The following OR9I1 variants were observed in gnomAD, a reference collection of about 807,000 sequenced individuals.
OR9I1 encodes olfactory receptor 9I1.
OR9I1 carries 7 observed loss-of-function variants against 11.2 expected under a neutral mutation model. That is an observed-to-expected ratio of 0.62 (90% CI 0.36 to 1.17). The LOEUF (loss-of-function observed/expected upper bound fraction) is 1.17. OR9I1 is among the 50% of genes most tolerant of loss of function. OR9I1 has a pLI of 0.02. For missense variants in OR9I1, 428 were observed against 377.2 expected, an observed-to-expected ratio of 1.13 and a Z score of -1.12; for synonymous variants, 165 against 153.4, an observed-to-expected ratio of 1.08 and a Z score of -0.56.
rs1332821061 is a variant in OR9I1 at position 58,116,785 on chromosome 11, GT to G, written c.*1714del. The G allele has an allele frequency of 6.6e-6, 1 of 152,134 alleles. No individual in the cohort carries two copies. The highest frequency in any genetic ancestry group is 1.5e-5 in the Non-Finnish European group (1 of 68,030). 9.4% of individuals were successfully genotyped at this position (152,134 alleles called of 1,614,324 possible). On this transcript the variant is annotated 3_prime_UTR_variant, in exon 3 of 3. Coordinates refer to ENST00000641439, the MANE Select transcript of OR9I1 (RefSeq NM_001005211.2). ...GAATCAGTCAACTACAAGATATTTG[GT>G]GAATTATTTTAATAAAATTGTTGTT...
rs140492317 is a variant in OR9I1 at position 58,118,489 on chromosome 11, C to A, written c.*11G>T. ...AAAGTGGACTAAAACAAGAATTCCT[C>A]TTACTTAGATCTACATGCTCAGGGA... On this transcript the variant is annotated 3_prime_UTR_variant, in exon 3 of 3. Transcript: ENST00000641439. 8,865 of 1,546,170 alleles carry A rather than the reference C, an allele frequency of 5.7e-3. 35 individuals carry two copies. Among genetic ancestry groups the A allele is most frequent in the Non-Finnish European group, 6.8e-3 (7,712 of 1,141,302 alleles).
chr11:58,119,147 G>A lies in OR9I1; in HGVS notation c.298C>T (p.Gln100Ter). Residue 100 changes from glutamine to a stop codon, truncating the protein, a stop_gained, in exon 3 of 3, where the codon CAG (glutamine) becomes TAG (stop). Transcript: ENST00000641439. LOFTEE classifies it high-confidence loss of function. ...TVISYGHCAA[Q>*]FFLFTICAGT... Reference sequence around the variant, plus strand: ...GCACAGATGGTGAATAAAAAGAACTGGGCAGCACAGTGGCCGTAGGAGATG... The same window carrying A: ...GCACAGATGGTGAATAAAAAGAACTAGGCAGCACAGTGGCCGTAGGAGATG... 6.2e-7 allele frequency: 1 copy of A among 1,614,006 alleles called. No individual in the cohort carries two copies. Among genetic ancestry groups the A allele is most frequent in the Non-Finnish European group, 8.5e-7 (1 of 1,179,994 alleles).
intron 2 of OR9I1, among the ~76,000 whole-genome samples, chr11:58,120,373 A>G (rs1240345231): frequency 3.3e-5 from 5 of 152,212 alleles, no homozygotes; most frequent in Non-Finnish European, 5.9e-5. Flanking sequence ...TGTAACATAG[A>G]AAAATATGCT....
rs139300657 is a variant in OR9I1 at position 58,118,969 on chromosome 11, C to T, written c.476G>A (p.Arg159His). 531 of 1,613,822 alleles carry T rather than the reference C, an allele frequency of 3.3e-4. No homozygotes were observed. Among genetic ancestry groups the T allele is most frequent in the Middle Eastern group, 1.7e-3 (10 of 6,060 alleles). Residue 159 changes from arginine (R) to histidine (H), a missense_variant, in exon 3 of 3, where the codon CGT becomes CAT. Physicochemically the swap from Arg to His is conservative, Grantham distance 29. Coordinates refer to ENST00000641439, the MANE Select transcript of OR9I1 (RefSeq NM_001005211.2). Reference sequence around the variant, plus strand: ...GGAGAGGGTGAAGGTGCAAGTGGTACGCAGGATGGCTCCTGACACCCCACA... The same window carrying T: ...GGAGAGGGTGAAGGTGCAAGTGGTATGCAGGATGGCTCCTGACACCCCACA... The part of the protein sequence containing the change: ...YVCGVSGAIL[R>H]TTCTFTLSFC...
Position 58,124,502 on chromosome 11 carries a change from G to A in OR9I1, c.-87C>T, listed in dbSNP as rs1854069352. On this transcript the variant is annotated 5_prime_UTR_variant, in exon 2 of 3. Transcript: ENST00000641439. ...TCCAAAGATTGAGTCCCTTGGGGAG[G>A]GTGAAGGAGCTCAACAAAGTTAATG... The A allele has an allele frequency of 6.6e-6, 1 of 152,020 alleles. No individual in the cohort carries two copies. Among genetic ancestry groups the A allele is most frequent in the African/African-American group, 2.4e-5 (1 of 41,398 alleles). The allele number at this position is 152,020 out of a possible 1,614,324, so 9.4% of individuals were successfully genotyped here.
chr11:58,121,718 C>G (rs183260303), intron 2 of OR9I1, among the ~76,000 whole-genome samples: 1 of 152,314 alleles, frequency 6.6e-6, no homozygotes, highest in Admixed American at 6.5e-5. Flanking sequence ...TGTTAAGAAA[C>G]TCTTTTCCTT....
chr11:58,119,273 G>A lies in OR9I1; in HGVS notation c.172C>T (p.Pro58Ser). ...LIQVDVKLYT[P>S]MYFFLSHLSL... ...AGGTGGCTCAGGAAGAAGTACATTG[G>A]GGTGTAGAGTTTGACATCTACTTGG... The change falls in exon 3 of 3, where the codon CCA becomes TCA. Residue 58 changes from proline to serine, a missense_variant. Pro to Ser is a moderately conservative substitution (Grantham distance 74). Coordinates refer to ENST00000641439, the MANE Select transcript of OR9I1 (RefSeq NM_001005211.2). 6.2e-7 allele frequency: 1 copy of A among 1,613,962 alleles called. No individual in the cohort carries two copies. The highest frequency in any genetic ancestry group is 2.2e-5 in the East Asian group (1 of 44,824).
rs992587413 is a variant in OR9I1, at chr11:58,118,951, G to A, written c.494C>T (p.Thr165Ile). The change falls in exon 3 of 3, where the codon ACC (threonine) becomes ATC (isoleucine). Residue 165 changes from threonine to isoleucine, a missense_variant. Thr to Ile is a moderately conservative substitution (Grantham distance 89, BLOSUM62 -1). Coordinates refer to ENST00000641439, the MANE Select transcript of OR9I1 (RefSeq NM_001005211.2). ...TTGATTGTCCTTACAGAAGGAGAGG[G>A]TGAAGGTGCAAGTGGTACGCAGGAT... ...GAILRTTCTFTLSFCKDNQIN... is the reference protein window; with the variant it reads ...GAILRTTCTFILSFCKDNQIN... The A allele has an allele frequency of 4.3e-6, 7 of 1,613,984 alleles. No individual in the cohort carries two copies. The highest frequency in any genetic ancestry group is 1.1e-5 in the South Asian group (1 of 91,078).
At chr11:58,120,049 A>G (rs954276415) in intron 2 of OR9I1, among the ~76,000 whole-genome samples, 1 of 152,226 alleles carries the variant, frequency 6.6e-6, no homozygotes. Flanking sequence ...TAATTATTCA[A>G]TGGGCAGTAA....
chr11:58,119,818 C>T (rs796829164), intron 2 of OR9I1, among the ~76,000 whole-genome samples: 1 of 143,322 alleles, frequency 7.0e-6, no homozygotes, highest in East Asian at 1.9e-4. Flanking sequence ...GCCGTATGAG[C>T]CTCCATCTGC....
rs752721823 is a variant in OR9I1 at position 58,118,809 on chromosome 11, G to A, written c.636C>T (p.Ser212=). 2.2e-5 allele frequency: 35 copies of A among 1,613,938 alleles called. No individual in the cohort carries two copies. The highest frequency in any genetic ancestry group is 2.7e-5 in the Non-Finnish European group (32 of 1,180,002). Residue 212 remains serine (S), a synonymous_variant, in exon 3 of 3, where the codon TCC becomes TCT. Transcript: ENST00000641439. Reference sequence around the variant, plus strand: ...TGAGCAGATAGGAAATCAGGATGACGGAGGCATTGGCCAAAATCACAAAAT... The same window carrying A: ...TGAGCAGATAGGAAATCAGGATGACAGAGGCATTGGCCAAAATCACAAAAT... ...FGNFVILANA[S]VILISYLLII... is the part of the protein sequence containing the mutation.
Position 58,119,010 on chromosome 11 carries a change from C to T in OR9I1, c.435G>A (p.Val145=), listed in dbSNP as rs149011210. The change falls in exon 3 of 3, where the codon GTG becomes GTA. Residue 145 remains valine (V), a synonymous_variant. Transcript: ENST00000641439. ...AMNPRLCWSL[V]VGAYVCGVSG... is the part of the protein sequence containing the mutation. ...ACACCCCACAGACATAGGCTCCTAC[C>T]ACCAGGCTCCAGCAGAGCCTGGGAT... 1.2e-6 allele frequency: 2 copies of T among 1,613,896 alleles called. No individual in the cohort carries two copies. Among genetic ancestry groups the T allele is most frequent in the Admixed American group, 1.7e-5 (1 of 60,012 alleles).
chr11:58,122,095 AG>A (rs1016948676), intron 2 of OR9I1, among the ~76,000 whole-genome samples: 8 of 152,190 alleles, frequency 5.3e-5, no homozygotes, highest in African/African-American at 1.9e-4. Flanking sequence ...ACTTGTGATG[AG>A]GCCCCATCTC....
rs1853987157 is a variant in OR9I1 at position 58,118,744 on chromosome 11, C to T, written c.701G>A (p.Arg234Lys). ...GGCACATGTGGAGAAAGTCTTGGCC[C>T]TGCCACCTGAAGACTTCACTTTCAA... ...TILKVKSSGG[R>K]AKTFSTCASH... The change falls in exon 3 of 3, where the codon AGG becomes AAG. Residue 234 changes from arginine (R) to lysine (K), a missense_variant. Physicochemically the swap from Arg to Lys is conservative, Grantham distance 26. Transcript: ENST00000641439. 1 of 1,613,928 alleles carries T rather than the reference C, an allele frequency of 6.2e-7. No individual in the cohort carries two copies. The highest frequency in any genetic ancestry group is 1.1e-5 in the South Asian group (1 of 91,080).
rs1854005735 is a variant in OR9I1, at chr11:58,119,587, GAA to G, written c.-22-123_-22-122del. 4 of 594,362 alleles carry G rather than the reference GAA, an allele frequency of 6.7e-6. No homozygotes were observed. The East Asian group carries it at 1.1e-4, about 17-fold the overall frequency. The allele number at this position is 594,362 out of a possible 1,614,324, so 36.8% of individuals were successfully genotyped here. A position where few individuals can be genotyped will look rare whatever the true frequency, so the allele number is the denominator to read the frequency against. On this transcript the variant is annotated intron_variant, in intron 2 of 2. Transcript: ENST00000641439. ...GTAGAGTTTGTTTTTAAGAAATTCT[GAA>G]ACTGGCTGATTTTCCTTGGGCATCT...
At chr11:58,123,068 C>A in intron 2 of OR9I1, among the ~76,000 whole-genome samples, 1 of 150,972 alleles carries the variant, frequency 6.6e-6, no homozygotes, top group Admixed American at 6.6e-5. Context: ...TTATTTAATT[C>A]TGAAAGCAGC....
chr11:58,123,855 T>A (rs1056165739), intron 2 of OR9I1, among the ~76,000 whole-genome samples: 3 of 152,232 alleles, frequency 2.0e-5, no homozygotes, highest in African/African-American at 7.2e-5. Context: ...AGATTGATGT[T>A]GGAGTTCTTT....
Position 58,118,380 on chromosome 11 carries a change from T to A in OR9I1, c.*120A>T, listed in dbSNP as rs1365777014. 15 of 673,686 alleles carry A rather than the reference T, an allele frequency of 2.2e-5. No individual in the cohort carries two copies. The highest frequency in any genetic ancestry group is 3.8e-5 in the Non-Finnish European group (15 of 393,612). 41.7% of individuals were successfully genotyped at this position (673,686 alleles called of 1,614,324 possible). ...ATTGTAGTTTTTCCTGTGTGCCTGG[T>A]GGTACCTATCTTCTGTCTTCTCTGT... On this transcript the variant is annotated 3_prime_UTR_variant, in exon 3 of 3. Coordinates refer to ENST00000641439, the MANE Select transcript of OR9I1 (RefSeq NM_001005211.2).
In OR9I1 at chr11:58,124,648, T is replaced by A. The variant is rs979109838; in HGVS notation, c.-224-9A>T. On this transcript the variant is annotated splice_polypyrimidine_tract_variant and intron_variant, in intron 1 of 2. Coordinates refer to ENST00000641439, the MANE Select transcript of OR9I1 (RefSeq NM_001005211.2). ...CTTTTATTTCCTTTCAACTTGACAA[T>A]AACATAATGAGAGAGAAATATTTTA... 5.3e-5 allele frequency: 8 copies of A among 152,150 alleles called. No individual in the cohort carries two copies. Among genetic ancestry groups the A allele is most frequent in the Non-Finnish European group, 1.0e-4 (7 of 68,018 alleles). The allele number at this position is 152,150 out of a possible 1,614,324, so 9.4% of individuals were successfully genotyped here.
Sources: gnomAD v4.1 joint callset for allele counts (sites outside exome capture counted in the v4.1 genomes callset) on GRCh38, gnomAD v4.1.1 for gene constraint, MANE v1.5 for transcripts, NCBI Gene and HGNC (gene_info 2026-07-23, HGNC 2026-07-21) for gene names.